CELF2: variants seen among roughly 807,000 people sequenced by gnomAD.
CELF2 encodes CUGBP Elav-like family member 2.
A neutral mutation model predicts 62.6 loss-of-function variants in CELF2; 8 were observed. That is an observed-to-expected ratio of 0.13 (90% CI 0.07 to 0.23). The LOEUF (loss-of-function observed/expected upper bound fraction) is 0.23. CELF2 is among the 10% of genes least tolerant of loss of function. The pLI is 1.00. For synonymous variants in CELF2, 258 were observed against 250.0 expected, an observed-to-expected ratio of 1.03 and a Z score of -0.30; for missense variants, 333 against 671.0, an observed-to-expected ratio of 0.50 and a Z score of 5.56.
At chr10:11,276,855 G>A (rs182323883) in intron 8 of CELF2, among the ~76,000 whole-genome samples, 11 of 152,368 alleles carry the variant, frequency 7.2e-5, no homozygotes, top group Admixed American at 2.6e-4. Flanking sequence ...CACGCTCTGC[G>A]TGCTCATTTG....
chr10:10,690,242 T>A, the CELF2 span, among the ~76,000 whole-genome samples: 29 of 152,206 alleles, frequency 1.9e-4, no homozygotes, highest in Non-Finnish European at 4.3e-4. Context: ...ACTGGTTCAT[T>A]ATGATGCCCG....
At chr10:11,030,810 GATTGT>G (rs2059990432) in intron 1 of CELF2, 1 of 152,176 alleles carries the variant, frequency 6.6e-6, no homozygotes, top group African/African-American at 2.4e-5. Flanking sequence ...GCTTTTTCTT[GATTGT>G]ATTTCATAGA....
intron 10 of CELF2, chr10:11,320,826 GTTTTT>G (rs35548374): frequency 6.5e-6 from 9 of 1,391,430 alleles, no homozygotes; most frequent in Non-Finnish European, 6.8e-6. Context: ...TGCTACTAAG[GTTTTT>G]TTTTTTTTTT....
At chr10:10,500,990 G>A in the CELF2 span, among the ~76,000 whole-genome samples, 39 of 152,272 alleles carry the variant, frequency 2.6e-4, 1 homozygote, top group African/African-American at 6.0e-4. Flanking sequence ...TCCATGGTAC[G>A]GATGTGCCAT....
chr10:10,764,040 G>A, the CELF2 span, among the ~76,000 whole-genome samples: 2 of 152,204 alleles, frequency 1.3e-5, no homozygotes, highest in Non-Finnish European at 1.5e-5. Flanking sequence ...AGCGTTCCAC[G>A]CTTTTGGTGT....
the CELF2 span, among the ~76,000 whole-genome samples, chr10:10,735,958 C>T: frequency 6.6e-6 from 1 of 152,168 alleles, no homozygotes; most frequent in Non-Finnish European, 1.5e-5. Flanking sequence ...CCAGTGAACA[C>T]ATGCTCAATG....
upstream of CELF2, among the ~76,000 whole-genome samples, chr10:11,015,620 A>G (rs925369143): frequency 6.6e-6 from 1 of 152,232 alleles, no homozygotes; most frequent in Non-Finnish European, 1.5e-5. This position sits in a 1 kb window ranked among gnomAD's most constrained non-coding sequence, Gnocchi z 4.8. Flanking sequence ...TTAAACTGCA[A>G]AAGCAAATGT....
the CELF2 span, among the ~76,000 whole-genome samples, chr10:10,523,618 A>G: frequency 2.6e-5 from 4 of 151,890 alleles, no homozygotes; most frequent in Non-Finnish European, 5.9e-5. Flanking sequence ...GATCCTTGCA[A>G]CGGGGCTGGG....
At chr10:10,625,807 C>CA in the CELF2 span, among the ~76,000 whole-genome samples, 4 of 152,222 alleles carry the variant, frequency 2.6e-5, no homozygotes, top group Non-Finnish European at 4.4e-5. Flanking sequence ...CCCAGAGGAA[C>CA]AGGGTCGATC....
the CELF2 span, among the ~76,000 whole-genome samples, chr10:10,645,858 G>A: frequency 1.3e-5 from 2 of 152,126 alleles, no homozygotes; most frequent in African/African-American, 2.4e-5. Context: ...ATGTATAGAA[G>A]CAACTCTATT....
chr10:11,193,104 C>T (rs981956468), intron 2 of CELF2, among the ~76,000 whole-genome samples: 1 of 152,156 alleles, frequency 6.6e-6, no homozygotes, highest in Non-Finnish European at 1.5e-5. Flanking sequence ...AGTTCACAGC[C>T]CTGAACCCAA....
At chr10:10,485,577 G>A in the CELF2 span, among the ~76,000 whole-genome samples, 1 of 152,138 alleles carries the variant, frequency 6.6e-6, no homozygotes, top group African/African-American at 2.4e-5. Context: ...CCCCATGCAG[G>A]GAGAGAAAAT....
At chr10:10,742,905 C>T in the CELF2 span, among the ~76,000 whole-genome samples, 1 of 152,174 alleles carries the variant, frequency 6.6e-6, no homozygotes, top group African/African-American at 2.4e-5. Context: ...GTGTTATGTT[C>T]TTTGAACTGA....
the CELF2 span, among the ~76,000 whole-genome samples, chr10:10,571,188 T>C: frequency 6.6e-6 from 1 of 152,112 alleles, no homozygotes; most frequent in Non-Finnish European, 1.5e-5. Context: ...TTAGATTGAC[T>C]GGAATTTAGC....
At chr10:10,691,312 C>T in the CELF2 span, among the ~76,000 whole-genome samples, 121 of 150,880 alleles carry the variant, frequency 8.0e-4, 1 homozygote, top group East Asian at 0.019. Context: ...CAATTTCATC[C>T]ATGTCCCTAC....
At chr10:10,628,743 A>G in the CELF2 span, among the ~76,000 whole-genome samples, 1 of 152,226 alleles carries the variant, frequency 6.6e-6, no homozygotes, top group Non-Finnish European at 1.5e-5. Context: ...TAGTGCCGCA[A>G]TAAATGCAGC....
chr10:11,261,468 G>A (rs1338519978), intron 5 of CELF2, among the ~76,000 whole-genome samples: 1 of 148,058 alleles, frequency 6.8e-6, no homozygotes, highest in Non-Finnish European at 1.5e-5. Flanking sequence ...AGAAAAGAAA[G>A]TATTTTTAAA....
chr10:10,651,799 C>G, the CELF2 span, among the ~76,000 whole-genome samples: 1 of 151,792 alleles, frequency 6.6e-6, no homozygotes, highest in African/African-American at 2.4e-5. Context: ...ACTGGAAACT[C>G]TAAAAAGCAG....
the CELF2 span, among the ~76,000 whole-genome samples, chr10:10,647,366 C>A: frequency 1.3e-5 from 2 of 152,202 alleles, no homozygotes; most frequent in Non-Finnish European, 2.9e-5. Context: ...CCTGCCTTTA[C>A]ATAAAAGCCG....
Sources: allele counts gnomAD v4.1 joint callset (sites outside exome capture counted in the v4.1 genomes callset), GRCh38; gene constraint gnomAD v4.1.1; non-coding constraint Gnocchi (gnomAD v3.1); transcripts MANE v1.5; gene names NCBI Gene and HGNC (gene_info 2026-07-23, HGNC 2026-07-21).